CNTNAP5: variants seen among roughly 807,000 people sequenced by gnomAD.
CNTNAP5 encodes the protein contactin associated protein family member 5, also known as contactin-associated protein-like 5.
Under a neutral mutation model 150.2 loss-of-function variants are expected in CNTNAP5, and 72 were observed. The observed-to-expected ratio is 0.48, with a 90% CI of 0.40 to 0.58. CNTNAP5 has a LOEUF of 0.58. Ranked by LOEUF, CNTNAP5 falls within the 20% of genes least tolerant of loss-of-function variation. The probability of loss-of-function intolerance (pLI) is 0.00; values close to 1 mark genes in which losing one functional copy is unlikely to be tolerated. For synonymous variants in CNTNAP5, 672 were observed against 619.8 expected (o/e 1.08, Z -1.25); for missense variants, 1,636 against 1,626.2 (o/e 1.01, Z -0.10).
At chr2:124,844,485 G>A (rs747403154) in intron 19 of CNTNAP5, among the ~76,000 whole-genome samples, 1 of 152,050 alleles carries the variant, frequency 6.6e-6, no homozygotes, top group East Asian at 1.9e-4. Context: ...GTCTTGCTTT[G>A]CCTATGTGGG....
At chr2:124,386,790 C>T (rs1048720841) in intron 3 of CNTNAP5, among the ~76,000 whole-genome samples, 2 of 151,798 alleles carry the variant, frequency 1.3e-5, no homozygotes, top group Admixed American at 6.6e-5. Context: ...AAAATTGCCA[C>T]TCCTCTGCAA....
intron 1 of CNTNAP5, among the ~76,000 whole-genome samples, chr2:124,180,912 T>A (rs773451717): frequency 1.7e-3 from 257 of 151,976 alleles, no homozygotes; most frequent in Admixed American, 3.9e-3. Context: ...TCCCTACAGA[T>A]GTATCAAGCC....
chr2:124,795,418 A>G (rs545639693), intron 18 of CNTNAP5, among the ~76,000 whole-genome samples: 1 of 152,310 alleles, frequency 6.6e-6, no homozygotes, highest in South Asian at 2.1e-4. Context: ...TCTCAGAGAC[A>G]TCCAGCTCTG....
chr2:124,079,695 A>G (rs760323551), intron 1 of CNTNAP5, among the ~76,000 whole-genome samples: 2 of 152,142 alleles, frequency 1.3e-5, no homozygotes, highest in Admixed American at 6.5e-5. Context: ...ATTCATGTGT[A>G]TGTGCGTGTG....
At chr2:124,591,915 A>T (rs1696692594) in intron 11 of CNTNAP5, among the ~76,000 whole-genome samples, 1 of 152,122 alleles carries the variant, frequency 6.6e-6, no homozygotes, top group Admixed American at 6.5e-5. Flanking sequence ...CTGTTTTCTT[A>T]AAAAAGATAA....
Position 124,765,830 on chromosome 2 carries a change from C to T in CNTNAP5, c.2533+1683C>T, listed in dbSNP as rs192680638. ...AATTATCCACGTGTGGTGCCAGGTG[C>T]CTGTAATCCCAGCTGCTCAGGAGGC... On this transcript the variant is annotated intron_variant, in intron 16 of 23. Coordinates refer to ENST00000682447, the MANE Select transcript of CNTNAP5 (RefSeq NM_001367498.1). Among the ~76,000 whole-genome samples the T allele has an allele frequency of 4.6e-3, 704 of 152,006 alleles. 6 individuals are homozygous for T. Among genetic ancestry groups the T allele is most frequent in the African/African-American group, 0.014 (585 of 41,472 alleles).
At chr2:124,426,043 AC>A (rs1206986032) in intron 4 of CNTNAP5, among the ~76,000 whole-genome samples, 1 of 152,166 alleles carries the variant, frequency 6.6e-6, no homozygotes, top group Non-Finnish European at 1.5e-5. Flanking sequence ...ATATCTAAAA[AC>A]AAAACAAAAC....
chr2:124,754,234 G>A (rs1295727934), intron 14 of CNTNAP5, among the ~76,000 whole-genome samples: 1 of 151,990 alleles, frequency 6.6e-6, no homozygotes, highest in Non-Finnish European at 1.5e-5. Flanking sequence ...TTCACCTCAG[G>A]GCACACTAAC....
chr2:124,208,479 T>G (rs1380735882), intron 1 of CNTNAP5, among the ~76,000 whole-genome samples: 2 of 152,222 alleles, frequency 1.3e-5, no homozygotes, highest in Non-Finnish European at 2.9e-5. Flanking sequence ...AGTAATAGCA[T>G]GTGAAAGAAT....
intron 3 of CNTNAP5, among the ~76,000 whole-genome samples, chr2:124,381,633 G>A (rs1690798093): frequency 6.6e-6 from 1 of 152,032 alleles, no homozygotes; most frequent in Admixed American, 6.6e-5. Context: ...TTCAGGGTCG[G>A]GGTAAAGTGG....
intron 13 of CNTNAP5, among the ~76,000 whole-genome samples, chr2:124,674,783 G>A (rs1054577145): frequency 3.3e-5 from 5 of 151,620 alleles, no homozygotes; most frequent in African/African-American, 1.2e-4. Context: ...CCACTTATTT[G>A]TAACCTTTTC....
chr2:124,507,161 C>A (rs1694429113), intron 8 of CNTNAP5, among the ~76,000 whole-genome samples: 1 of 151,984 alleles, frequency 6.6e-6, no homozygotes, highest in Non-Finnish European at 1.5e-5. Context: ...TAGAGCATGG[C>A]CAAAATCACG....
At chr2:124,536,571 G>C (rs1328985078) in intron 10 of CNTNAP5, among the ~76,000 whole-genome samples, 1 of 152,066 alleles carries the variant, frequency 6.6e-6, no homozygotes, top group African/African-American at 2.4e-5. Flanking sequence ...GACTGCCAAG[G>C]TCATATCTTA....
In CNTNAP5 at chr2:124,918,404, T is replaced by C. The variant is rs1304044698; in HGVS notation, c.*4116T>C. Among the ~76,000 whole-genome samples, 1 of 152,050 alleles carries C rather than the reference T, an allele frequency of 6.6e-6. No individual in the cohort carries two copies. Among genetic ancestry groups the C allele is most frequent in the Non-Finnish European group, 1.5e-5 (1 of 67,990 alleles). On this transcript the variant is annotated 3_prime_UTR_variant, in exon 24 of 24. Transcript: ENST00000682447. ...TGACTAAAAAAATGTTGTCCATTTA[T>C]GTGAGGTCTCACCTCTGAGCCTGAG...
chr2:124,524,193 G>A, intron 8 of CNTNAP5, 110 bp from the exon 9 acceptor site: 1 of 1,021,336 alleles, frequency 9.8e-7, no homozygotes, highest in Non-Finnish European at 1.5e-6. Flanking sequence ...AGTGAGGAGT[G>A]GGTTTGCTCT....
intron 9 of CNTNAP5, among the ~76,000 whole-genome samples, chr2:124,526,248 C>T (rs955355142): frequency 2.6e-5 from 4 of 152,064 alleles, no homozygotes; most frequent in South Asian, 4.2e-4. Flanking sequence ...ATGCCCCACG[C>T]GTAGACTGTA....
In CNTNAP5 at chr2:124,474,859, C is replaced by T. The variant is rs748391901; in HGVS notation, c.1039C>T (p.Arg347Ter). The T allele has an allele frequency of 5.0e-6, 8 of 1,606,076 alleles. No individual in the cohort carries two copies. Among genetic ancestry groups the T allele is most frequent in the Non-Finnish European group, 6.8e-6 (8 of 1,177,464 alleles). ...GVNIIDLAKR[R>*]KHQIYTVGNV... Reference sequence around the variant, plus strand: ...AAACATAATTGACCTGGCTAAGAGACGAAAGCATCAGATCTATACTGTGGT... The same window carrying T: ...AAACATAATTGACCTGGCTAAGAGATGAAAGCATCAGATCTATACTGTGGT... Residue 347 changes from arginine (R) to a stop codon, truncating the protein, a stop_gained, in exon 7 of 24, where the codon CGA becomes TGA. Coordinates refer to ENST00000682447, the MANE Select transcript of CNTNAP5 (RefSeq NM_001367498.1). LOFTEE classifies it high-confidence loss of function.
chr2:124,688,057 G>A (rs1679228931), intron 13 of CNTNAP5, among the ~76,000 whole-genome samples: 1 of 152,132 alleles, frequency 6.6e-6, no homozygotes, highest in South Asian at 2.1e-4. Flanking sequence ...TTATTTCCTT[G>A]TAGACATTGA....
intron 1 of CNTNAP5, among the ~76,000 whole-genome samples, chr2:124,077,342 A>G (rs1383595792): frequency 1.3e-5 from 2 of 152,196 alleles, no homozygotes; most frequent in Non-Finnish European, 1.5e-5. Flanking sequence ...TTGAGAAAAG[A>G]TACTTGCTAA....
Sources: gnomAD v4.1 joint callset for allele counts (sites outside exome capture counted in the v4.1 genomes callset) on GRCh38, gnomAD v4.1.1 for gene constraint, MANE v1.5 for transcripts, NCBI Gene and HGNC (gene_info 2026-07-23, HGNC 2026-07-21) for gene names.